The following STARD13 variants were observed in gnomAD, a reference collection of about 807,000 sequenced individuals.
STARD13 encodes the protein StAR related lipid transfer domain containing 13, also known as stAR-related lipid transfer protein 13.
Under a neutral mutation model 106.4 loss-of-function variants are expected in STARD13, and 62 were observed. The observed-to-expected ratio is 0.58, with a 90% CI of 0.48 to 0.72. STARD13 has a LOEUF of 0.72. STARD13 is among the 30% of genes least tolerant of loss of function. The probability of loss-of-function intolerance (pLI) is 0.00; values close to 1 mark genes in which losing one functional copy is unlikely to be tolerated. For synonymous variants in STARD13, 565 were observed against 553.0 expected (o/e 1.02, Z -0.31); for missense variants, 1,387 against 1,424.0 (o/e 0.97, Z 0.42).
At chr13:33,473,901 T>C in the STARD13 span, among the ~76,000 whole-genome samples, 1 of 152,200 alleles carries the variant, frequency 6.6e-6, no homozygotes, top group Admixed American at 6.5e-5. Context: ...GAATTTCTGT[T>C]TGCAGGTTAA....
the STARD13 span, among the ~76,000 whole-genome samples, chr13:33,549,932 G>A: frequency 7.9e-5 from 12 of 152,200 alleles, no homozygotes; most frequent in East Asian, 1.2e-3. Context: ...GGCATTCTTC[G>A]TGCTAAACTC....
the STARD13 span, among the ~76,000 whole-genome samples, chr13:33,504,453 TA>T: frequency 6.6e-6 from 1 of 151,948 alleles, no homozygotes; most frequent in South Asian, 2.1e-4. Context: ...ATGTCCTTTG[TA>T]GGGACACGGA....
the STARD13 span, among the ~76,000 whole-genome samples, chr13:33,498,652 T>C: frequency 1.3e-5 from 2 of 152,212 alleles, no homozygotes; most frequent in Admixed American, 6.5e-5. Context: ...AAATATTTCT[T>C]GTATTAAATA....
In STARD13 at chr13:33,178,229, T is replaced by A. The variant is rs1594052458; in HGVS notation, c.170-10607A>T. Among the ~76,000 whole-genome samples, 8 of 152,336 alleles carry A rather than the reference T, an allele frequency of 5.3e-5. No individual in the cohort carries two copies. The South Asian group carries it at 1.7e-3, about 32-fold the overall frequency. ...TGCACTCGACAATGCATTTTGAACATCTTTTTATGTCAACAGATGTCCTTC... is the reference window on the plus strand; with the variant it reads ...TGCACTCGACAATGCATTTTGAACAACTTTTTATGTCAACAGATGTCCTTC... On this transcript the variant is annotated intron_variant, in intron 1 of 13. Transcript: ENST00000336934.
In STARD13 at chr13:33,130,071, G is replaced by T. The variant is rs1566009590; in HGVS notation, c.606C>A (p.Ser202Arg). The part of the protein sequence containing the change: ...EPEVCSIHSE[S>R]SGGSDSRSQP... The stretch of plus-strand genomic sequence containing the variant: ...GGCTGCGACTGTCGCTGCCTCCACT[G>T]CTTTCGCTGTGAATGGAGCAGACCT... Residue 202 changes from serine (S) to arginine (R), a missense_variant, in exon 5 of 14, where the codon AGC becomes AGA. Ser to Arg is a moderately radical substitution (Grantham distance 110). Coordinates refer to ENST00000336934, the MANE Select transcript of STARD13 (RefSeq NM_178006.4). This position sits in a 1 kb window ranked among gnomAD's most constrained non-coding sequence, Gnocchi z 4.1. 6.2e-7 allele frequency: 1 copy of T among 1,613,994 alleles called. No homozygotes were observed. The highest frequency in any genetic ancestry group is 1.7e-5 in the Admixed American group (1 of 60,018).
chr13:33,642,694 C>A, the STARD13 span, among the ~76,000 whole-genome samples: 2 of 152,180 alleles, frequency 1.3e-5, no homozygotes, highest in African/African-American at 4.8e-5. Flanking sequence ...CAGTAAATGG[C>A]GCAGGTGGGA....
the STARD13 span, among the ~76,000 whole-genome samples, chr13:33,614,270 C>CGTGTGTTTGTGTGT: frequency 1.4e-5 from 2 of 145,154 alleles, no homozygotes; most frequent in Non-Finnish European, 3.0e-5. Context: ...ATACATTCTC[C>CGTGTGTTTGTGTGT]GTGTGTGTGT....
chr13:33,182,129 T>A (rs1008255710), intron 1 of STARD13, among the ~76,000 whole-genome samples: 1 of 152,164 alleles, frequency 6.6e-6, no homozygotes, highest in Non-Finnish European at 1.5e-5. Flanking sequence ...CATACACACA[T>A]AGACTAAAAC....
At chr13:33,491,942 G>C in the STARD13 span, among the ~76,000 whole-genome samples, 1 of 152,184 alleles carries the variant, frequency 6.6e-6, no homozygotes, top group Admixed American at 6.5e-5. Context: ...GGTGCAGGCG[G>C]GCTGAGTCCG....
intron 1 of STARD13, among the ~76,000 whole-genome samples, chr13:33,202,230 A>G (rs1018667291): frequency 3.9e-5 from 6 of 152,232 alleles, no homozygotes; most frequent in Non-Finnish European, 1.5e-5. Context: ...AGTAGGATTC[A>G]GATAGGACTA....
chr13:33,202,622 C>T (rs1192049102), intron 1 of STARD13, among the ~76,000 whole-genome samples: 1 of 152,162 alleles, frequency 6.6e-6, no homozygotes, highest in Admixed American at 6.5e-5. Flanking sequence ...AGTTTGGAAC[C>T]ATGAATGAAG....
rs114186057 is a variant in STARD13, at chr13:33,182,992, C to T, written c.170-15370G>A. Among the ~76,000 whole-genome samples, 231 of 152,334 alleles carry T rather than the reference C, an allele frequency of 1.5e-3. 1 individual carries two copies. The highest frequency in any genetic ancestry group is 5.4e-3 in the African/African-American group (224 of 41,570). On this transcript the variant is annotated intron_variant, in intron 1 of 13. Transcript: ENST00000336934. ...TCCCAGGCTGCTGTTGCATATCCCACGCCTGTGCTTACACTGTTTCCTCTC... is the reference window on the plus strand; with the variant it reads ...TCCCAGGCTGCTGTTGCATATCCCATGCCTGTGCTTACACTGTTTCCTCTC...
At chr13:33,497,283 C>A in the STARD13 span, among the ~76,000 whole-genome samples, 1 of 152,226 alleles carries the variant, frequency 6.6e-6, no homozygotes, top group East Asian at 1.9e-4. Flanking sequence ...CAGTCTACTT[C>A]TTTTCCATGA....
the STARD13 span, among the ~76,000 whole-genome samples, chr13:33,576,414 A>G: frequency 6.9e-6 from 1 of 145,892 alleles, no homozygotes; most frequent in Non-Finnish European, 1.5e-5. Flanking sequence ...TTTTTTTTTT[A>G]ATAGAGACAA....
chr13:33,468,081 A>G, the STARD13 span, among the ~76,000 whole-genome samples: 1 of 152,194 alleles, frequency 6.6e-6, no homozygotes, highest in South Asian at 2.1e-4. Context: ...CAAAAAGGCT[A>G]CTACCATCCT....
chr13:33,376,977 A>G, the STARD13 span, among the ~76,000 whole-genome samples: 1 of 152,214 alleles, frequency 6.6e-6, no homozygotes, highest in African/African-American at 2.4e-5. Flanking sequence ...GGAAGGAATG[A>G]ACATGTACTT....
At chr13:33,306,823 G>C (rs902604033) in intron 1 of STARD13, among the ~76,000 whole-genome samples, 16 of 152,096 alleles carry the variant, frequency 1.1e-4, no homozygotes, top group African/African-American at 3.4e-4. Flanking sequence ...GGTGGTACAT[G>C]CCTGCAGTCC....
chr13:33,353,496 C>G (rs1566156394), upstream of STARD13, among the ~76,000 whole-genome samples: 1 of 152,170 alleles, frequency 6.6e-6, no homozygotes, highest in Non-Finnish European at 1.5e-5. Context: ...CATGGTCCTT[C>G]TTAAGGCCTG....
chr13:33,220,984 A>G (rs2138176227), intron 1 of STARD13, among the ~76,000 whole-genome samples: 1 of 152,316 alleles, frequency 6.6e-6, no homozygotes, highest in East Asian at 1.9e-4. Context: ...TACATTCATT[A>G]CAATAGTTAA....
Sources: gnomAD v4.1 joint callset for allele counts (sites outside exome capture counted in the v4.1 genomes callset) on GRCh38, gnomAD v4.1.1 for gene constraint, Gnocchi (gnomAD v3.1) non-coding constraint, MANE v1.5 for transcripts, NCBI Gene and HGNC (gene_info 2026-07-23, HGNC 2026-07-21) for gene names.